CPED1: variants seen among roughly 807,000 people sequenced by gnomAD.
The protein encoded by CPED1 is cadherin-like and PC-esterase domain-containing protein 1.
CPED1 carries 114 observed loss-of-function variants against 128.2 expected under a neutral mutation model. The observed-to-expected ratio is 0.89, with a 90% CI of 0.76 to 1.04. CPED1 has a LOEUF of 1.04. CPED1 is among the 50% of genes least tolerant of loss of function. CPED1 has a pLI of 0.00. For missense variants in CPED1, 1,211 were observed against 1,207.1 expected, an observed-to-expected ratio of 1.00 and a Z score of -0.05; for synonymous variants, 462 against 426.7, an observed-to-expected ratio of 1.08 and a Z score of -1.02.
At chr7:121,097,965 C>A in intron 6 of CPED1, 134 bp downstream of exon 6, 1 of 839,554 alleles carries the variant, frequency 1.2e-6, no homozygotes, top group East Asian at 2.7e-5. Flanking sequence ...TTTCAGCTAT[C>A]CTTTTTAAAT....
intron 22 of CPED1, among the ~76,000 whole-genome samples, chr7:121,284,000 C>T (rs1157810275): frequency 3.3e-5 from 5 of 152,202 alleles, no homozygotes; most frequent in Admixed American, 2.6e-4. Flanking sequence ...TGTATTAGTC[C>T]GTTCTCATGC....
intron 5 of CPED1, among the ~76,000 whole-genome samples, chr7:121,092,970 C>G (rs1794607166): frequency 6.6e-6 from 1 of 152,164 alleles, no homozygotes; most frequent in Non-Finnish European, 1.5e-5. Flanking sequence ...TTCTTTTAGT[C>G]TACTTGCTGC....
At chr7:121,252,370 GA>G (rs1274463683) in intron 18 of CPED1, among the ~76,000 whole-genome samples, 1 of 152,106 alleles carries the variant, frequency 6.6e-6, no homozygotes, top group Non-Finnish European at 1.5e-5. Context: ...AACCCTAGAA[GA>G]AAACCTAGGC....
At chr7:121,138,988 A>G (rs1184314789) in intron 14 of CPED1, among the ~76,000 whole-genome samples, 1 of 152,098 alleles carries the variant, frequency 6.6e-6, no homozygotes, top group African/African-American at 2.4e-5. Flanking sequence ...AGAATGTAGT[A>G]TTAATAAGTG....
At chr7:121,112,247 ATTATC>A (rs1484055140) in intron 7 of CPED1, among the ~76,000 whole-genome samples, 6 of 152,154 alleles carry the variant, frequency 3.9e-5, no homozygotes, top group African/African-American at 1.4e-4. Context: ...ACCAGTGAAT[ATTATC>A]TTGTTTGGAC....
At chr7:121,256,135 A>AC (rs1040816889) in intron 18 of CPED1, among the ~76,000 whole-genome samples, 3 of 148,882 alleles carry the variant, frequency 2.0e-5, no homozygotes, top group African/African-American at 7.5e-5. Flanking sequence ...AAAACAAAAA[A>AC]AAAAAACAAA....
chr7:121,256,032 C>G (rs1490395035), intron 18 of CPED1, among the ~76,000 whole-genome samples: 1 of 143,420 alleles, frequency 7.0e-6, no homozygotes. Flanking sequence ...ACCAATGTCA[C>G]TTTTCATAGA....
At chr7:121,093,287 T>G (rs1794618218) in intron 5 of CPED1, among the ~76,000 whole-genome samples, 1 of 152,084 alleles carries the variant, frequency 6.6e-6, no homozygotes, top group Non-Finnish European at 1.5e-5. Context: ...TCAACAATTT[T>G]TTTTTACCTA....
chr7:121,038,570 T>C (rs1792962889), intron 3 of CPED1, among the ~76,000 whole-genome samples: 4 of 152,148 alleles, frequency 2.6e-5, no homozygotes, highest in Admixed American at 2.6e-4. Context: ...TCTTGTTTCT[T>C]CTGGAGAATT....
chr7:121,285,392 C>T (rs767849124), intron 22 of CPED1, among the ~76,000 whole-genome samples: 4 of 152,178 alleles, frequency 2.6e-5, no homozygotes, highest in Non-Finnish European at 4.4e-5. Context: ...ACACTTGGCT[C>T]CTCATTACTG....
chr7:121,216,481 C>T (rs1480415257), intron 16 of CPED1, among the ~76,000 whole-genome samples: 2 of 151,948 alleles, frequency 1.3e-5, no homozygotes, highest in South Asian at 2.1e-4. Context: ...CCAGCTAAAC[C>T]TCCTGGGTTA....
At chr7:121,169,613 A>G (rs1286725242) in intron 16 of CPED1, among the ~76,000 whole-genome samples, 5 of 152,210 alleles carry the variant, frequency 3.3e-5, no homozygotes, top group African/African-American at 1.2e-4. Flanking sequence ...ACTAATGGCT[A>G]AACTTTTAAA....
chr7:121,041,083 C>A (rs983805885), intron 3 of CPED1, among the ~76,000 whole-genome samples: 7 of 151,950 alleles, frequency 4.6e-5, no homozygotes, highest in African/African-American at 1.7e-4. Flanking sequence ...AGCTAAGAAC[C>A]AAAATTATAT....
At chr7:121,053,616 T>C (rs999313195) in intron 4 of CPED1, among the ~76,000 whole-genome samples, 2 of 152,212 alleles carry the variant, frequency 1.3e-5, no homozygotes, top group Non-Finnish European at 2.9e-5. Flanking sequence ...AAAAAGATCC[T>C]GTTTTTCTTC....
chr7:121,144,253 C>G (rs1487162880), intron 16 of CPED1, among the ~76,000 whole-genome samples: 1 of 152,056 alleles, frequency 6.6e-6, no homozygotes, highest in Non-Finnish European at 1.5e-5. Flanking sequence ...TTTGTTGCAG[C>G]ATTATTCACA....
At chr7:121,103,879 A>G (rs1794910731) in intron 7 of CPED1, among the ~76,000 whole-genome samples, 1 of 152,130 alleles carries the variant, frequency 6.6e-6, no homozygotes, top group Non-Finnish European at 1.5e-5. Flanking sequence ...TTTATTTCCA[A>G]TTAGGTCTTC....
At chr7:121,150,716 A>G (rs1042976745) in intron 16 of CPED1, among the ~76,000 whole-genome samples, 2 of 151,712 alleles carry the variant, frequency 1.3e-5, no homozygotes, top group Non-Finnish European at 2.9e-5. Flanking sequence ...GGGCATTTTT[A>G]TAAGTCCTTT....
At chr7:121,257,638 A>G (rs1562853397) in intron 18 of CPED1, among the ~76,000 whole-genome samples, 1 of 152,084 alleles carries the variant, frequency 6.6e-6, no homozygotes, top group Non-Finnish European at 1.5e-5. Context: ...ACTTATTTTA[A>G]GAAAGCTTCA....
intron 14 of CPED1, among the ~76,000 whole-genome samples, chr7:121,136,309 C>T (rs1312018802): frequency 6.6e-6 from 1 of 151,970 alleles, no homozygotes; most frequent in Non-Finnish European, 1.5e-5. Flanking sequence ...CAATGACTTC[C>T]AAACCCACTT....
Sources: allele counts gnomAD v4.1 joint callset (sites outside exome capture counted in the v4.1 genomes callset), GRCh38; gene constraint gnomAD v4.1.1; transcripts MANE v1.5; gene names NCBI Gene and HGNC (gene_info 2026-07-23, HGNC 2026-07-21).